The following ITPR1 variants were observed in gnomAD, a reference collection of about 807,000 sequenced individuals.
The protein encoded by ITPR1 is inositol 1,4,5-trisphosphate-gated calcium channel ITPR1.
ITPR1 carries 96 observed loss-of-function variants against 318.4 expected under a neutral mutation model. The ratio of observed to expected loss-of-function variants is 0.30; its 90% CI spans 0.26 to 0.36. The LOEUF is 0.36. Among genes scored for constraint, ITPR1 ranks in the 10% least tolerant of loss-of-function variants. ITPR1 has a pLI of 1.00. For synonymous variants in ITPR1, 1,312 were observed against 1,289.9 expected (o/e 1.02, Z -0.37); for missense variants, 2,440 against 3,460.2 (o/e 0.71, Z 7.40).
chr3:4,517,709 T>C (rs1013383828), intron 3 of ITPR1, among the ~76,000 whole-genome samples: 25 of 152,218 alleles, frequency 1.6e-4, no homozygotes, highest in Non-Finnish European at 3.4e-4. Flanking sequence ...CTCTCCATTA[T>C]GGACCTACCC....
intron 55 of ITPR1, among the ~76,000 whole-genome samples, chr3:4,807,113 TA>T: frequency 2.8e-4 from 1 of 3,636 alleles, no homozygotes; most frequent in Non-Finnish European, 7.1e-4. Context: ...GAGGGGGGCT[TA>T]CAAAGAGAGG....
intron 40 of ITPR1, among the ~76,000 whole-genome samples, chr3:4,724,838 G>A (rs539523464): frequency 6.6e-6 from 1 of 152,262 alleles, no homozygotes; most frequent in Admixed American, 6.5e-5. Context: ...AAATCAAGGG[G>A]GAGGGTGGTA....
At chr3:4,547,316 T>G (rs2085119135) in intron 4 of ITPR1, among the ~76,000 whole-genome samples, 1 of 152,248 alleles carries the variant, frequency 6.6e-6, no homozygotes, top group African/African-American at 2.4e-5. Flanking sequence ...ATGTATTTAT[T>G]AAAGCCACTT....
intron 4 of ITPR1, among the ~76,000 whole-genome samples, chr3:4,604,677 G>T (rs2091567986): frequency 6.6e-6 from 1 of 152,112 alleles, no homozygotes; most frequent in African/African-American, 2.4e-5. Context: ...AGCTGGGAAG[G>T]GGCCCTGCGC....
In ITPR1 at chr3:4,593,928, C is replaced by G. The variant is rs542983647; in HGVS notation, c.164-33835C>G. ...ATTTCTGGTTGGGAAAGGAGATGATCAACAGTGTTTCTGAAAGCCATTCCT... is the reference window on the plus strand; with the variant it reads ...ATTTCTGGTTGGGAAAGGAGATGATGAACAGTGTTTCTGAAAGCCATTCCT... On this transcript the variant is annotated intron_variant, in intron 4 of 61. Transcript: ENST00000649015. Among the ~76,000 whole-genome samples, 8 of 152,242 alleles carry G rather than the reference C, an allele frequency of 5.3e-5. No individual in the cohort carries two copies. The East Asian group carries it at 1.5e-3, about 29-fold the overall frequency.
At chr3:4,585,271 T>A (rs1345703816) in intron 4 of ITPR1, among the ~76,000 whole-genome samples, 1 of 152,322 alleles carries the variant, frequency 6.6e-6, no homozygotes, top group Middle Eastern at 3.4e-3. Context: ...CCTCTCTATA[T>A]AGAATATACA....
chr3:4,563,641 T>C (rs1559453937), intron 4 of ITPR1, among the ~76,000 whole-genome samples: 1 of 152,226 alleles, frequency 6.6e-6, no homozygotes, highest in Non-Finnish European at 1.5e-5. Context: ...AGTACGTGTT[T>C]CTGGTACCCT....
intron 4 of ITPR1, among the ~76,000 whole-genome samples, chr3:4,613,591 T>G (rs1043837865): frequency 1.3e-5 from 2 of 152,162 alleles, no homozygotes; most frequent in African/African-American, 2.4e-5. Context: ...GTCATCTCTC[T>G]CTCTTCTGCC....
At chr3:4,497,619 A>G (rs963103890) in intron 2 of ITPR1, among the ~76,000 whole-genome samples, 6 of 152,240 alleles carry the variant, frequency 3.9e-5, no homozygotes, top group South Asian at 2.1e-4. Context: ...GGAATGTAAA[A>G]TGGTGAAGCT....
intron 4 of ITPR1, among the ~76,000 whole-genome samples, chr3:4,584,636 C>T (rs1464694001): frequency 6.6e-6 from 1 of 151,790 alleles, no homozygotes; most frequent in Non-Finnish European, 1.5e-5. Flanking sequence ...GTTTTTCCCT[C>T]CCAGAATGCG....
intron 44 of ITPR1, among the ~76,000 whole-genome samples, chr3:4,746,673 G>A (rs1238721341): frequency 1.3e-5 from 2 of 152,230 alleles, no homozygotes; most frequent in Admixed American, 6.5e-5. Context: ...GCCTCCACAC[G>A]TGCTGGATGA....
At chr3:4,624,670 CAAAAA>C (rs1161664837) in intron 4 of ITPR1, among the ~76,000 whole-genome samples, 9,634 of 72,476 alleles carry the variant, frequency 0.13, 408 homozygotes, top group East Asian at 0.22. Context: ...GCTCTGTCTC[CAAAAA>C]AAAAAAAAAA....
chr3:4,600,292 C>A (rs1003321499), intron 4 of ITPR1, among the ~76,000 whole-genome samples: 2 of 152,142 alleles, frequency 1.3e-5, no homozygotes, highest in South Asian at 4.1e-4. Flanking sequence ...TCTACACATC[C>A]CTCAAGTTCC....
intron 49 of ITPR1, among the ~76,000 whole-genome samples, chr3:4,780,825 A>AC (rs2046782241): frequency 6.6e-6 from 1 of 151,930 alleles, no homozygotes; most frequent in Admixed American, 6.6e-5. Flanking sequence ...CTATGCAGGG[A>AC]CCCCATTCGG....
chr3:4,793,251 CAT>C (rs1336751835), intron 52 of ITPR1, among the ~76,000 whole-genome samples: 1 of 152,238 alleles, frequency 6.6e-6, no homozygotes, highest in Non-Finnish European at 1.5e-5. Flanking sequence ...TTATTACAAT[CAT>C]ATTAGCGTAT....
intron 24 of ITPR1, among the ~76,000 whole-genome samples, chr3:4,679,065 G>A (rs1306100898): frequency 6.6e-6 from 1 of 152,172 alleles, no homozygotes; most frequent in Non-Finnish European, 1.5e-5. Context: ...GAGGCCTTGA[G>A]CAGGGAGAAA....
At chr3:4,512,651 C>T (rs765372697) in intron 2 of ITPR1, among the ~76,000 whole-genome samples, 8 of 152,060 alleles carry the variant, frequency 5.3e-5, no homozygotes, top group Non-Finnish European at 8.8e-5. Context: ...TTTCAGAATT[C>T]CACTTATCTC....
chr3:4,661,465 A>C (rs561302160), intron 14 of ITPR1, among the ~76,000 whole-genome samples: 1 of 152,120 alleles, frequency 6.6e-6, no homozygotes, highest in South Asian at 2.1e-4. Context: ...TTCTCTCTAT[A>C]TGTCAATATA....
intron 44 of ITPR1, among the ~76,000 whole-genome samples, chr3:4,738,767 C>G (rs1287248375): frequency 1.3e-5 from 2 of 151,864 alleles, no homozygotes; most frequent in Non-Finnish European, 2.9e-5. Context: ...ATTTATTACT[C>G]ATACACCCAG....
Sources: gnomAD v4.1 joint callset for allele counts (sites outside exome capture counted in the v4.1 genomes callset) on GRCh38, gnomAD v4.1.1 for gene constraint, MANE v1.5 for transcripts, NCBI Gene and HGNC (gene_info 2026-07-23, HGNC 2026-07-21) for gene names.